The following PIAS1 variants were observed in gnomAD, a reference collection of about 807,000 sequenced individuals.
PIAS1 encodes the protein protein inhibitor of activated STAT 1.
Under a neutral mutation model 71.3 loss-of-function variants are expected in PIAS1, and 6 were observed. The observed-to-expected ratio is 0.08, with a 90% CI of 0.05 to 0.17. The LOEUF (loss-of-function observed/expected upper bound fraction) is 0.17. Among genes scored for constraint, PIAS1 ranks in the 10% least tolerant of loss-of-function variants. PIAS1 has a pLI of 1.00. For synonymous variants in PIAS1, 303 were observed against 292.9 expected (o/e 1.03, Z -0.35); for missense variants, 555 against 793.6 (o/e 0.70, Z 3.61).
At chr15:68,151,683 A>AACACACACACAC (rs754171390) in intron 6 of PIAS1, among the ~76,000 whole-genome samples, 2,771 of 134,794 alleles carry the variant, frequency 0.021, 42 homozygotes, top group Middle Eastern at 0.04. Flanking sequence ...AAAAAAACAA[A>AACACACACACAC]ACACACACAC....
intron 8 of PIAS1, among the ~76,000 whole-genome samples, chr15:68,170,761 C>T (rs961726364): frequency 6.6e-6 from 1 of 152,130 alleles, no homozygotes; most frequent in African/African-American, 2.4e-5. Context: ...CTGCCTCAGC[C>T]TCCCAAGTAG....
Position 68,189,255 on chromosome 15 carries a change from A to G in PIAS1, c.*1420A>G, listed in dbSNP as rs572798765. The G allele has an allele frequency of 7.2e-5, 11 of 152,318 alleles. No homozygotes were observed. The highest frequency in any genetic ancestry group is 2.6e-4 in the African/African-American group (11 of 41,574). 9.4% of individuals were successfully genotyped at this position (152,318 alleles called of 1,614,324 possible). On this transcript the variant is annotated 3_prime_UTR_variant, in exon 14 of 14. Coordinates refer to ENST00000249636, the MANE Select transcript of PIAS1 (RefSeq NM_016166.3). ...AAAGTGGTTCTACTAATGTTCCAAAATCCTCATCAGAGAAGGTATGATGTT... is the reference window on the plus strand; with the variant it reads ...AAAGTGGTTCTACTAATGTTCCAAAGTCCTCATCAGAGAAGGTATGATGTT...
rs2092992929 is a variant in PIAS1 at position 68,171,786 on chromosome 15, A to G, written c.1009-1946A>G. 6.6e-6 allele frequency among the ~76,000 whole-genome samples: 1 copy of G among 152,192 alleles called. No individual in the cohort carries two copies. The highest frequency in any genetic ancestry group is 2.4e-5 in the African/African-American group (1 of 41,460). ...GCAATTATTTTGGGCCCCAAATGACAGTTAATTTCCTGGTAGACTAGGAAA... is the reference window on the plus strand; with the variant it reads ...GCAATTATTTTGGGCCCCAAATGACGGTTAATTTCCTGGTAGACTAGGAAA... On this transcript the variant is annotated intron_variant, in intron 8 of 13. Transcript: ENST00000249636. This position sits in a 1 kb window ranked among gnomAD's most constrained non-coding sequence, Gnocchi z 4.4.
rs183592908 is a variant in PIAS1, at chr15:68,190,303, A to C, written c.*2468A>C. 6.6e-6 allele frequency: 1 copy of C among 152,162 alleles called. No individual in the cohort carries two copies. 9.4% of individuals were successfully genotyped at this position (152,162 alleles called of 1,614,324 possible). On this transcript the variant is annotated 3_prime_UTR_variant, in exon 14 of 14. Transcript: ENST00000249636. The surrounding 1 kb of genome is among the most constrained non-coding windows in gnomAD (Gnocchi z 4.7). Reference sequence around the variant, plus strand: ...TTTTAGTTCGTTCTACCCTGTGAGGAGTTTGTTTCCATCAGTTGTTGACTT... The same window carrying C: ...TTTTAGTTCGTTCTACCCTGTGAGGCGTTTGTTTCCATCAGTTGTTGACTT...
At chr15:68,112,493 A>G (rs8032082) in intron 2 of PIAS1, among the ~76,000 whole-genome samples, 9,220 of 152,154 alleles carry the variant, frequency 0.061, 381 homozygotes, top group Non-Finnish European at 0.091. Flanking sequence ...TATCTAGGTC[A>G]TCAGTGACCA....
intron 4 of PIAS1, among the ~76,000 whole-genome samples, chr15:68,143,543 G>A (rs2092786975): frequency 6.6e-6 from 1 of 152,048 alleles, no homozygotes; most frequent in East Asian, 1.9e-4. Flanking sequence ...AGTTTTGGAA[G>A]GCACTGCTAA....
rs377188659 is a variant in PIAS1 at position 68,117,514 on chromosome 15, C to G, written c.470-24432C>G. On this transcript the variant is annotated intron_variant, in intron 2 of 13. Coordinates refer to ENST00000249636, the MANE Select transcript of PIAS1 (RefSeq NM_016166.3). The stretch of plus-strand genomic sequence containing the variant: ...TGTGGACCAATCTCTGCCTATTTCT[C>G]TTCCCTCTGTCCTCCCCAGAGTTCT... Among the ~76,000 whole-genome samples the G allele has an allele frequency of 9.8e-5, 15 of 152,342 alleles. No homozygotes were observed. The South Asian group carries it at 3.1e-3, about 32-fold the overall frequency.
chr15:68,193,467 G>A lies in PIAS1; in HGVS notation c.*5632G>A, dbSNP rs956910807. The stretch of plus-strand genomic sequence containing the variant: ...TGTAAATGGGCCTCTGGCACTGCAA[G>A]AATTGTTGTCATAAGTGTTACAGCT... On this transcript the variant is annotated 3_prime_UTR_variant, in exon 14 of 14. Transcript: ENST00000249636. 3.3e-5 allele frequency: 5 copies of A among 152,750 alleles called. No individual in the cohort carries two copies. The highest frequency in any genetic ancestry group is 5.8e-5 in the Non-Finnish European group (4 of 68,424). 9.5% of individuals were successfully genotyped at this position (152,750 alleles called of 1,614,324 possible). A position where few individuals can be genotyped will look rare whatever the true frequency, so the allele number is the denominator to read the frequency against.
chr15:68,083,189 A>G (rs2092245369), intron 1 of PIAS1, among the ~76,000 whole-genome samples: 1 of 152,182 alleles, frequency 6.6e-6, no homozygotes. Flanking sequence ...AATGCAGATT[A>G]AAATATATTT....
chr15:68,088,859 T>A (rs1054463835), intron 2 of PIAS1, among the ~76,000 whole-genome samples: 1 of 152,342 alleles, frequency 6.6e-6, no homozygotes, highest in African/African-American at 2.4e-5. Context: ...CCTAAATGAT[T>A]ATTTTTGCCG....
chr15:68,114,431 A>G (rs1198793358), intron 2 of PIAS1, among the ~76,000 whole-genome samples: 2 of 152,044 alleles, frequency 1.3e-5, no homozygotes, highest in Admixed American at 6.6e-5. Context: ...CTGACAGCCT[A>G]ATGATGAAAC....
intron 1 of PIAS1, among the ~76,000 whole-genome samples, chr15:68,056,698 GTTC>G (rs2091900208): frequency 6.6e-6 from 1 of 151,946 alleles, no homozygotes; most frequent in African/African-American, 2.4e-5. Context: ...TAGATTTGCT[GTTC>G]TTTTTTTGAG....
chr15:68,095,950 A>T (rs1348267171), intron 2 of PIAS1, among the ~76,000 whole-genome samples: 5 of 152,202 alleles, frequency 3.3e-5, no homozygotes, highest in African/African-American at 1.2e-4. Flanking sequence ...TGAAATGTAA[A>T]TAAGCTTTAG....
At chr15:68,183,789 G>GA in intron 13 of PIAS1, 122 bp downstream of exon 13, 1 of 546,504 alleles carries the variant, frequency 1.8e-6, no homozygotes, top group Admixed American at 3.3e-5. Flanking sequence ...TAATGGAGCT[G>GA]AAAAATCCCT....
intron 1 of PIAS1, among the ~76,000 whole-genome samples, chr15:68,059,730 AGAAAG>A (rs1345808708): frequency 8.0e-5 from 12 of 150,538 alleles, no homozygotes; most frequent in African/African-American, 2.9e-4. Context: ...AAAAAAAAAA[AGAAAG>A]CAATACAAAT....
chr15:68,161,972 C>G (rs1278293580), intron 7 of PIAS1, among the ~76,000 whole-genome samples: 1 of 151,616 alleles, frequency 6.6e-6, no homozygotes, highest in Non-Finnish European at 1.5e-5. Flanking sequence ...CAGGATCTCA[C>G]TCTGTCACCC....
rs1003608665 is a variant in PIAS1, at chr15:68,159,332, C to T, written c.935-5399C>T. 6.6e-5 allele frequency among the ~76,000 whole-genome samples: 10 copies of T among 152,030 alleles called. No homozygotes were observed. The South Asian group carries it at 1.9e-3, about 28-fold the overall frequency. ...AATATAGCATAGTGCTTTTCCCCTC[C>T]GTTTTCTCTCTTTCTTTTGAGAAAG... On this transcript the variant is annotated intron_variant, in intron 7 of 13. Transcript: ENST00000249636.
intron 2 of PIAS1, among the ~76,000 whole-genome samples, chr15:68,126,991 G>T (rs1255791562): frequency 6.6e-6 from 1 of 151,964 alleles, no homozygotes; most frequent in Non-Finnish European, 1.5e-5. Context: ...CTGGAGTGCA[G>T]TGGCATGATT....
intron 1 of PIAS1, among the ~76,000 whole-genome samples, chr15:68,065,915 CTTTTTTTTTTTTTTTT>C (rs869104577): frequency 3.2e-4 from 13 of 40,160 alleles, no homozygotes; most frequent in Admixed American, 2.6e-3. Flanking sequence ...TGACTAAAAG[CTTTTTTTTTTTTTTTT>C]TTTTTTTTTT....
Sources: gnomAD v4.1 joint callset for allele counts (sites outside exome capture counted in the v4.1 genomes callset) on GRCh38, gnomAD v4.1.1 for gene constraint, Gnocchi (gnomAD v3.1) non-coding constraint, MANE v1.5 for transcripts, NCBI Gene and HGNC (gene_info 2026-07-23, HGNC 2026-07-21) for gene names.